The following ARHGAP24 variants were observed in gnomAD, a reference collection of about 807,000 sequenced individuals.
ARHGAP24 encodes rho GTPase-activating protein 24.
A neutral mutation model predicts 76.4 loss-of-function variants in ARHGAP24; 50 were observed. The observed-to-expected ratio is 0.65, with a 90% CI of 0.52 to 0.83. The LOEUF is 0.83. ARHGAP24 is among the 40% of genes least tolerant of loss of function. ARHGAP24 has a pLI of 0.00. For synonymous variants in ARHGAP24, 345 were observed against 323.3 expected, an observed-to-expected ratio of 1.07 and a Z score of -0.72; for missense variants, 930 against 914.2, an observed-to-expected ratio of 1.02 and a Z score of -0.22.
At chr4:85,945,787 T>C (rs1737231446) in intron 5 of ARHGAP24, among the ~76,000 whole-genome samples, 1 of 151,004 alleles carries the variant, frequency 6.6e-6, no homozygotes, top group African/African-American at 2.4e-5. Context: ...AAATTATACA[T>C]GAAAAGAAAC....
At chr4:85,637,335 T>C (rs1305137819) in intron 2 of ARHGAP24, among the ~76,000 whole-genome samples, 5 of 152,268 alleles carry the variant, frequency 3.3e-5, no homozygotes, top group African/African-American at 1.2e-4. Flanking sequence ...TTTTGGTCTC[T>C]ATAATCCCAA....
In ARHGAP24 at chr4:85,907,039, A is replaced by C. The variant is rs191559728; in HGVS notation, c.269-16609A>C. 2.0e-4 allele frequency among the ~76,000 whole-genome samples: 30 copies of C among 152,342 alleles called. No homozygotes were observed. The East Asian group carries it at 5.8e-3, about 29-fold the overall frequency. On this transcript the variant is annotated intron_variant, in intron 3 of 9. Coordinates refer to ENST00000395184, the MANE Select transcript of ARHGAP24 (RefSeq NM_001025616.3). Reference sequence around the variant, plus strand: ...GATTCTTTTCATCTTCGTTAGAATCAAAATGAATGGAAAAATAATCTGATT... The same window carrying C: ...GATTCTTTTCATCTTCGTTAGAATCCAAATGAATGGAAAAATAATCTGATT...
At chr4:85,942,423 T>C in intron 5 of ARHGAP24, 150 bp downstream of exon 5, 1 of 966,230 alleles carries the variant, frequency 1.0e-6, no homozygotes, top group Non-Finnish European at 1.6e-6. Context: ...TTGTTTCTAT[T>C]AAGTTACAAA....
At chr4:85,568,566 G>GAGATGAAA (rs1726944628) in intron 1 of ARHGAP24, among the ~76,000 whole-genome samples, 4 of 152,040 alleles carry the variant, frequency 2.6e-5, no homozygotes, top group Admixed American at 2.0e-4. Context: ...TAGTAGGTCG[G>GAGATGAAA]GTACTGCGAA....
chr4:85,879,248 A>C (rs1377940744), intron 3 of ARHGAP24, among the ~76,000 whole-genome samples: 1 of 152,202 alleles, frequency 6.6e-6, no homozygotes, highest in African/African-American at 2.4e-5. Context: ...ATATTACATG[A>C]ATAATGGAAA....
intron 2 of ARHGAP24, among the ~76,000 whole-genome samples, chr4:85,702,693 G>A (rs962945285): frequency 2.0e-5 from 3 of 151,906 alleles, no homozygotes; most frequent in Non-Finnish European, 4.4e-5. Context: ...GCATTCGTTC[G>A]CCCTGGGGTT....
At chr4:85,887,088 C>T (rs1298532366) in intron 3 of ARHGAP24, among the ~76,000 whole-genome samples, 1 of 151,674 alleles carries the variant, frequency 6.6e-6, no homozygotes, top group Non-Finnish European at 1.5e-5. Context: ...ACTCTGGTAC[C>T]AATATTCAAG....
In ARHGAP24 at chr4:85,974,971, G is replaced by C; in HGVS notation, c.806+10G>C. On this transcript the variant is annotated intron_variant, in intron 7 of 9. Coordinates refer to ENST00000395184, the MANE Select transcript of ARHGAP24 (RefSeq NM_001025616.3). ...TCAAGTATATTTGCAGGTAAGAACT[G>C]TCCTAAGGACAAACGTAAACAAGAC... The C allele has an allele frequency of 1.2e-6, 2 of 1,611,082 alleles. No individual in the cohort carries two copies. The highest frequency in any genetic ancestry group is 1.7e-6 in the Non-Finnish European group (2 of 1,177,484).
intron 3 of ARHGAP24, among the ~76,000 whole-genome samples, chr4:85,750,653 G>A (rs575132319): frequency 6.6e-6 from 1 of 151,732 alleles, no homozygotes; most frequent in African/African-American, 2.4e-5. Context: ...GCACCACCTC[G>A]CCCAGCTAAT....
chr4:85,952,490 A>G (rs1737670527), intron 5 of ARHGAP24, among the ~76,000 whole-genome samples: 1 of 152,252 alleles, frequency 6.6e-6, no homozygotes, highest in Non-Finnish European at 1.5e-5. Context: ...TTGAATGAGA[A>G]GAAACACTTT....
intron 2 of ARHGAP24, among the ~76,000 whole-genome samples, chr4:85,582,211 G>T (rs1026301696): frequency 2.1e-4 from 32 of 152,042 alleles, no homozygotes; most frequent in African/African-American, 7.5e-4. Context: ...CCTATGAGAA[G>T]ATTTGTAAAT....
At chr4:85,865,321 G>T (rs528978450) in intron 3 of ARHGAP24, among the ~76,000 whole-genome samples, 1 of 151,760 alleles carries the variant, frequency 6.6e-6, no homozygotes, top group Admixed American at 6.6e-5. Context: ...AAAATCAATT[G>T]TTCTTGGCTG....
intron 3 of ARHGAP24, among the ~76,000 whole-genome samples, chr4:85,884,881 C>T (rs1733471826): frequency 6.6e-6 from 1 of 152,108 alleles, no homozygotes; most frequent in Non-Finnish European, 1.5e-5. Flanking sequence ...TGATCTGCTT[C>T]ATCTACAAAT....
intron 6 of ARHGAP24, among the ~76,000 whole-genome samples, chr4:85,973,905 G>A (rs1477212660): frequency 1.4e-5 from 2 of 139,716 alleles, no homozygotes; most frequent in Non-Finnish European, 3.0e-5. Context: ...TGCAGTGGCG[G>A]GATCTTGGCT....
At chr4:85,975,534 ATAAT>A (rs1739267534) in intron 7 of ARHGAP24, 1 of 152,968 alleles carries the variant, frequency 6.5e-6, no homozygotes, top group African/African-American at 2.4e-5. Context: ...TGTTAGAAAA[ATAAT>A]TGTGCCAGAA....
At chr4:85,575,838 C>T (rs1390560865) in intron 2 of ARHGAP24, among the ~76,000 whole-genome samples, 5 of 152,160 alleles carry the variant, frequency 3.3e-5, no homozygotes, top group Non-Finnish European at 2.9e-5. Flanking sequence ...TAGAGAAAGC[C>T]TCTGACATAC....
intron 1 of ARHGAP24, among the ~76,000 whole-genome samples, chr4:85,493,612 C>T (rs1723445245): frequency 6.6e-6 from 1 of 152,160 alleles, no homozygotes; most frequent in African/African-American, 2.4e-5. Flanking sequence ...ATATCACCAT[C>T]ATTTTTGAAC....
chr4:85,643,574 T>C (rs1721610384), intron 2 of ARHGAP24, among the ~76,000 whole-genome samples: 1 of 152,116 alleles, frequency 6.6e-6, no homozygotes, highest in African/African-American at 2.4e-5. Flanking sequence ...TGTGTTTTGT[T>C]CATACTACTT....
chr4:85,757,971 T>G (rs1336307419), intron 3 of ARHGAP24, among the ~76,000 whole-genome samples: 1 of 152,210 alleles, frequency 6.6e-6, no homozygotes, highest in Admixed American at 6.5e-5. Flanking sequence ...TGGCCAGTGA[T>G]GATGAGCATT....
Sources: gnomAD v4.1 joint callset for allele counts (sites outside exome capture counted in the v4.1 genomes callset) on GRCh38, gnomAD v4.1.1 for gene constraint, MANE v1.5 for transcripts, NCBI Gene and HGNC (gene_info 2026-07-23, HGNC 2026-07-21) for gene names.